The following PIK3AP1 variants were observed in gnomAD, a reference collection of about 807,000 sequenced individuals.
PIK3AP1 encodes phosphoinositide 3-kinase adapter protein 1.
A neutral mutation model predicts 88.1 loss-of-function variants in PIK3AP1; 21 were observed. The observed-to-expected ratio is 0.24, with a 90% CI of 0.17 to 0.34. The LOEUF (loss-of-function observed/expected upper bound fraction) is 0.34, where lower values mean the gene tolerates loss of function less well. Ranked by LOEUF, PIK3AP1 falls within the 10% of genes least tolerant of loss-of-function variation. PIK3AP1 has a pLI of 1.00. For missense variants in PIK3AP1, 828 were observed against 1,035.7 expected, an observed-to-expected ratio of 0.80 and a Z score of 2.75; for synonymous variants, 398 against 400.0, an observed-to-expected ratio of 1.00 and a Z score of 0.06.
intron 7 of PIK3AP1, among the ~76,000 whole-genome samples, chr10:96,646,293 T>G (rs1340717293): frequency 6.6e-6 from 1 of 152,108 alleles, no homozygotes; most frequent in African/African-American, 2.4e-5. Context: ...TGAGCACCTT[T>G]TAAATGTCAG....
intron 8 of PIK3AP1, among the ~76,000 whole-genome samples, chr10:96,632,197 C>T (rs1320516525): frequency 3.3e-5 from 5 of 152,090 alleles, no homozygotes; most frequent in Admixed American, 3.3e-4. Context: ...TAGAAAGGAG[C>T]ACGGAACAGA....
At chr10:96,677,781 T>C (rs1445550177) in intron 2 of PIK3AP1, among the ~76,000 whole-genome samples, 3 of 152,184 alleles carry the variant, frequency 2.0e-5, no homozygotes, top group Non-Finnish European at 4.4e-5. Flanking sequence ...GGTACAGTTA[T>C]AGAAACCACT....
intron 16 of PIK3AP1, among the ~76,000 whole-genome samples, chr10:96,599,771 A>G (rs1309754785): frequency 2.0e-5 from 3 of 152,110 alleles, no homozygotes. Flanking sequence ...AATGCACCCA[A>G]ACCCCAAGTT....
chr10:96,624,604 G>A (rs1843130070), intron 10 of PIK3AP1, among the ~76,000 whole-genome samples: 1 of 151,846 alleles, frequency 6.6e-6, no homozygotes, highest in South Asian at 2.1e-4. Context: ...GAGGCAGGAG[G>A]ATTGCTTGAG....
intron 2 of PIK3AP1, among the ~76,000 whole-genome samples, chr10:96,683,543 C>T (rs1844029629): frequency 2.0e-5 from 3 of 152,238 alleles, no homozygotes; most frequent in Admixed American, 6.5e-5. Context: ...CTCATCACTT[C>T]TATACATCTC....
intron 8 of PIK3AP1, 99 bp downstream of exon 8, chr10:96,645,374 T>G: frequency 1.7e-6 from 2 of 1,202,736 alleles, no homozygotes; most frequent in South Asian, 2.9e-5. Context: ...TGGGGTGAAG[T>G]GAGGGTACAT....
chr10:96,602,219 G>T, intron 16 of PIK3AP1, 61 bp downstream of exon 16: 1 of 1,342,568 alleles, frequency 7.4e-7, no homozygotes, highest in Non-Finnish European at 1.1e-6. Flanking sequence ...GTGTTTCCAA[G>T]TCCTATTCTC....
intron 2 of PIK3AP1, among the ~76,000 whole-genome samples, chr10:96,705,889 T>G (rs975984759): frequency 3.9e-5 from 5 of 126,970 alleles, no homozygotes; most frequent in African/African-American, 1.2e-4. Context: ...CAGTTGTTTT[T>G]TTTTTTTTTT....
intron 13 of PIK3AP1, among the ~76,000 whole-genome samples, chr10:96,614,223 C>A (rs79334428): frequency 6.6e-6 from 1 of 152,098 alleles, no homozygotes; most frequent in Non-Finnish European, 1.5e-5. Context: ...CTGGGTGCAA[C>A]GCCAAATCAC....
chr10:96,660,526 G>T (rs770639163), intron 2 of PIK3AP1, among the ~76,000 whole-genome samples: 7 of 152,184 alleles, frequency 4.6e-5, no homozygotes, highest in Non-Finnish European at 7.3e-5. Flanking sequence ...CTTTCCCGAG[G>T]TTCTTCTCCT....
At chr10:96,642,022 C>T (rs1843395741) in intron 8 of PIK3AP1, among the ~76,000 whole-genome samples, 1 of 152,068 alleles carries the variant, frequency 6.6e-6, no homozygotes, top group Non-Finnish European at 1.5e-5. Flanking sequence ...TGCTTCTGAG[C>T]CAGGAGGTAA....
chr10:96,645,808 C>T (rs1231988255), intron 7 of PIK3AP1, 146 bp from the exon 8 acceptor site: 4 of 659,656 alleles, frequency 6.1e-6, no homozygotes, highest in South Asian at 2.2e-5. Flanking sequence ...TATTTTCCCA[C>T]CTGACTGAAC....
intron 2 of PIK3AP1, among the ~76,000 whole-genome samples, chr10:96,683,249 C>T (rs1449055070): frequency 6.6e-6 from 1 of 152,144 alleles, no homozygotes; most frequent in African/African-American, 2.4e-5. Context: ...ACCTAGTCAT[C>T]CAAGAGGAAT....
intron 10 of PIK3AP1, among the ~76,000 whole-genome samples, chr10:96,625,861 A>G (rs1212239409): frequency 2.6e-5 from 4 of 151,906 alleles, no homozygotes; most frequent in African/African-American, 9.7e-5. Flanking sequence ...CAATCCTTCC[A>G]CCTCAGCCTC....
chr10:96,663,842 AG>A (rs145486458), intron 2 of PIK3AP1, among the ~76,000 whole-genome samples: 306 of 152,312 alleles, frequency 2.0e-3, no homozygotes, highest in African/African-American at 7.2e-3. Flanking sequence ...CATTCTCACT[AG>A]TCATCATGAG....
At chr10:96,692,682 T>G (rs1836827) in intron 2 of PIK3AP1, among the ~76,000 whole-genome samples, 13,335 of 152,216 alleles carry the variant, frequency 0.088, 1,952 homozygotes, top group African/African-American at 0.3. Flanking sequence ...CTAACAACAA[T>G]TGATTTAGTC....
intron 15 of PIK3AP1, among the ~76,000 whole-genome samples, chr10:96,603,389 T>G (rs557779497): frequency 1.3e-5 from 2 of 152,256 alleles, no homozygotes; most frequent in South Asian, 2.1e-4. Context: ...CAAAGGAGAT[T>G]AACATTTGAG....
chr10:96,719,834 AAT>A (rs1844548085), intron 1 of PIK3AP1, among the ~76,000 whole-genome samples: 1 of 152,162 alleles, frequency 6.6e-6, no homozygotes, highest in South Asian at 2.1e-4. Context: ...AAGTTCAAGG[AAT>A]AGTGTTCCTA....
At chr10:96,691,919 A>C (rs1243051216) in intron 2 of PIK3AP1, among the ~76,000 whole-genome samples, 3 of 152,212 alleles carry the variant, frequency 2.0e-5, no homozygotes, top group East Asian at 3.8e-4. Flanking sequence ...ATCTTGGTGC[A>C]TGTTTTCATC....
Sources: gnomAD v4.1 joint callset for allele counts (sites outside exome capture counted in the v4.1 genomes callset) on GRCh38, gnomAD v4.1.1 for gene constraint, MANE v1.5 for transcripts, NCBI Gene and HGNC (gene_info 2026-07-23, HGNC 2026-07-21) for gene names.